Variants in CNTN4 observed in about 807,000 individuals in gnomAD.
CNTN4 encodes the protein contactin-4.
Under a neutral mutation model 122.5 loss-of-function variants are expected in CNTN4, and 77 were observed. The ratio of observed to expected loss-of-function variants is 0.63; its 90% CI spans 0.52 to 0.76. The LOEUF (loss-of-function observed/expected upper bound fraction) is 0.76, where lower values mean the gene tolerates loss of function less well. Among genes scored for constraint, CNTN4 ranks in the 30% least tolerant of loss-of-function variants. The pLI, the probability that CNTN4 is intolerant of heterozygous loss-of-function variation, is 0.00. For missense variants in CNTN4, 1,256 were observed against 1,259.1 expected (o/e 1.00, Z 0.04); for synonymous variants, 512 against 447.0 (o/e 1.15, Z -1.83).
chr3:2,273,443 T>G (rs1373456000), intron 2 of CNTN4, among the ~76,000 whole-genome samples: 1 of 152,228 alleles, frequency 6.6e-6, no homozygotes, highest in Non-Finnish European at 1.5e-5. Context: ...CCAGTTGTTT[T>G]TCTTGTACTA....
At chr3:2,972,197 C>T (rs1413515192) in intron 13 of CNTN4, among the ~76,000 whole-genome samples, 5 of 152,096 alleles carry the variant, frequency 3.3e-5, no homozygotes, top group African/African-American at 1.2e-4. Context: ...ATTCAGGTTA[C>T]CTAATTTTTA....
chr3:2,175,987 A>G (rs747235527), intron 2 of CNTN4, among the ~76,000 whole-genome samples: 21 of 152,176 alleles, frequency 1.4e-4, no homozygotes, highest in Admixed American at 1.3e-3. Context: ...ACCTGAAAAT[A>G]TGGTTTATTC....
intron 12 of CNTN4, among the ~76,000 whole-genome samples, chr3:2,910,745 C>A (rs1372525573): frequency 1.3e-5 from 2 of 152,140 alleles, no homozygotes; most frequent in Non-Finnish European, 2.9e-5. Flanking sequence ...CACCTTCTGG[C>A]AAAATTGATT....
intron 2 of CNTN4, among the ~76,000 whole-genome samples, chr3:2,191,709 T>TATATAC (rs1553599242): frequency 6.6e-6 from 1 of 150,836 alleles, no homozygotes; most frequent in East Asian, 2.0e-4. Flanking sequence ...TATATATATA[T>TATATAC]ACACACACAC....
intron 2 of CNTN4, among the ~76,000 whole-genome samples, chr3:2,247,339 A>G (rs528231536): frequency 6.6e-6 from 1 of 152,014 alleles, no homozygotes; most frequent in Admixed American, 6.6e-5. Context: ...ATTAGAGCAG[A>G]TCTACTTTTC....
chr3:2,428,572 AGT>A (rs2047935092), intron 3 of CNTN4, among the ~76,000 whole-genome samples: 1 of 151,878 alleles, frequency 6.6e-6, no homozygotes, highest in African/African-American at 2.4e-5. Flanking sequence ...CTTCTCGAGG[AGT>A]ATCTTTGTTG....
chr3:2,104,657 C>T (rs912392205), intron 2 of CNTN4, among the ~76,000 whole-genome samples: 1 of 152,300 alleles, frequency 6.6e-6, no homozygotes, highest in Non-Finnish European at 1.5e-5. Flanking sequence ...TGCCCACATT[C>T]CTCTGGGGTG....
intron 10 of CNTN4, chr3:2,892,380 A>G (rs1026976298): frequency 6.6e-6 from 1 of 152,192 alleles, no homozygotes; most frequent in African/African-American, 2.4e-5. Context: ...CACCCATGGT[A>G]TTGTGAAGCT....
At chr3:2,594,578 C>T (rs1320963767) in intron 4 of CNTN4, among the ~76,000 whole-genome samples, 1 of 152,018 alleles carries the variant, frequency 6.6e-6, no homozygotes. Context: ...GCCACCACAC[C>T]CGGCTAATAT....
chr3:2,170,058 A>C (rs113074585), intron 2 of CNTN4, among the ~76,000 whole-genome samples: 1,678 of 152,148 alleles, frequency 0.011, 41 homozygotes, highest in African/African-American at 0.039. Context: ...GCGGTGGCTC[A>C]CGCCTGTAAT....
At chr3:2,476,691 T>C (rs1308144142) in intron 3 of CNTN4, among the ~76,000 whole-genome samples, 1 of 152,144 alleles carries the variant, frequency 6.6e-6, no homozygotes, top group Non-Finnish European at 1.5e-5. Context: ...TCCTGAGGGA[T>C]CTCCTTGGGG....
chr3:2,332,762 A>G (rs1396555937), intron 2 of CNTN4, among the ~76,000 whole-genome samples: 1 of 150,364 alleles, frequency 6.7e-6, no homozygotes, highest in Non-Finnish European at 1.5e-5. Flanking sequence ...TAGCTTTAGG[A>G]GATATACCTA....
At chr3:2,713,414 A>T (rs1161360888) in intron 4 of CNTN4, among the ~76,000 whole-genome samples, 2 of 152,224 alleles carry the variant, frequency 1.3e-5, no homozygotes, top group Non-Finnish European at 2.9e-5. Flanking sequence ...AAGAGTGGAA[A>T]GTCGTATAGA....
At chr3:2,435,195 A>C (rs971501667) in intron 3 of CNTN4, among the ~76,000 whole-genome samples, 1 of 152,110 alleles carries the variant, frequency 6.6e-6, no homozygotes, top group Non-Finnish European at 1.5e-5. Context: ...CTTCTAAAAA[A>C]CTTAAATATA....
At chr3:2,192,858 T>C (rs1032039029) in intron 2 of CNTN4, among the ~76,000 whole-genome samples, 2 of 152,188 alleles carry the variant, frequency 1.3e-5, no homozygotes, top group Non-Finnish European at 2.9e-5. Context: ...ACATTTGTTG[T>C]TGTCATGGGC....
chr3:2,195,254 C>A (rs1332670186), intron 2 of CNTN4, among the ~76,000 whole-genome samples: 1 of 152,204 alleles, frequency 6.6e-6, no homozygotes, highest in Non-Finnish European at 1.5e-5. Context: ...GACAGGATTT[C>A]ATTCTTTTTC....
chr3:2,950,964 A>G (rs754221567), intron 13 of CNTN4, among the ~76,000 whole-genome samples: 8 of 152,238 alleles, frequency 5.3e-5, no homozygotes, highest in Non-Finnish European at 1.2e-4. Flanking sequence ...CATTAAATAC[A>G]TATATGATGA....
chr3:2,368,669 T>TAA (rs34186285), intron 3 of CNTN4, among the ~76,000 whole-genome samples: 6 of 151,234 alleles, frequency 4.0e-5, no homozygotes, highest in Admixed American at 1.3e-4. Flanking sequence ...TCTTAAATAA[T>TAA]AAAAAAAAAC....
At chr3:3,002,519 T>C (rs1035481018) in intron 14 of CNTN4, among the ~76,000 whole-genome samples, 2 of 152,158 alleles carry the variant, frequency 1.3e-5, no homozygotes, top group African/African-American at 4.8e-5. Context: ...AAACTTGAGA[T>C]ATGACCTACT....
Sources: gnomAD v4.1 joint callset for allele counts (sites outside exome capture counted in the v4.1 genomes callset) on GRCh38, gnomAD v4.1.1 for gene constraint, MANE v1.5 for transcripts, NCBI Gene and HGNC (gene_info 2026-07-23, HGNC 2026-07-21) for gene names.